PTPRD: variants seen among roughly 807,000 people sequenced by gnomAD.
PTPRD encodes receptor-type tyrosine-protein phosphatase delta.
PTPRD carries 34 observed loss-of-function variants against 214.5 expected under a neutral mutation model. That is an observed-to-expected ratio of 0.16 (90% CI 0.12 to 0.21). The LOEUF is 0.21. Ranked by LOEUF, PTPRD falls within the 10% of genes least tolerant of loss-of-function variation. PTPRD has a pLI of 1.00. For synonymous variants in PTPRD, 1,128 were observed against 845.7 expected (o/e 1.33, Z -5.79); for missense variants, 2,545 against 2,398.7 (o/e 1.06, Z -1.27).
At chr9:8,921,050 G>A (rs994002629) in intron 11 of PTPRD, among the ~76,000 whole-genome samples, 5 of 152,134 alleles carry the variant, frequency 3.3e-5, no homozygotes, top group Non-Finnish European at 2.9e-5. Flanking sequence ...CTGACCTCTG[G>A]CAATCCGCGC....
At chr9:9,147,350 T>C (rs961849350) in intron 10 of PTPRD, among the ~76,000 whole-genome samples, 34 of 152,018 alleles carry the variant, frequency 2.2e-4, no homozygotes, top group Non-Finnish European at 2.6e-4. Context: ...AATACTGTTA[T>C]TCTTTTTTTA....
At chr9:9,006,494 G>C (rs543572675) in intron 11 of PTPRD, among the ~76,000 whole-genome samples, 2 of 152,148 alleles carry the variant, frequency 1.3e-5, no homozygotes, top group East Asian at 3.9e-4. Flanking sequence ...GATCCCCAGA[G>C]TTTTATCTCT....
intron 3 of PTPRD, among the ~76,000 whole-genome samples, chr9:10,155,228 C>A (rs2099085856): frequency 6.6e-6 from 1 of 151,926 alleles, no homozygotes; most frequent in South Asian, 2.1e-4. Flanking sequence ...AGATAGCATT[C>A]CTGATTTGGT....
intron 11 of PTPRD, among the ~76,000 whole-genome samples, chr9:8,874,431 G>A (rs1359218836): frequency 6.6e-6 from 1 of 152,122 alleles, no homozygotes; most frequent in Non-Finnish European, 1.5e-5. Context: ...TGGCCTAGTT[G>A]CAGAGTCTAA....
At chr9:10,217,662 C>T (rs568511848) in intron 3 of PTPRD, among the ~76,000 whole-genome samples, 14 of 152,060 alleles carry the variant, frequency 9.2e-5, no homozygotes, top group African/African-American at 3.4e-4. Flanking sequence ...ACTAAACCAT[C>T]TAAAGCTCCT....
chr9:10,571,770 A>G (rs2067514229), intron 2 of PTPRD, among the ~76,000 whole-genome samples: 1 of 152,158 alleles, frequency 6.6e-6, no homozygotes, highest in Non-Finnish European at 1.5e-5. Context: ...ATCATCAGGC[A>G]CTAGATTCTC....
chr9:10,612,664 C>A (rs938430527), intron 1 of PTPRD, 24 bp downstream of exon 1: 1 of 152,208 alleles, frequency 6.6e-6, no homozygotes, highest in African/African-American at 2.4e-5. Context: ...TTGGGTCCTG[C>A]TAATTATTCT....
chr9:9,363,233 A>C (rs1425431795), intron 9 of PTPRD, among the ~76,000 whole-genome samples: 2 of 150,574 alleles, frequency 1.3e-5, no homozygotes, highest in Admixed American at 1.3e-4. Flanking sequence ...CACAAGAGCA[A>C]TTACTGATCA....
intron 3 of PTPRD, among the ~76,000 whole-genome samples, chr9:10,164,350 T>C (rs926630931): frequency 6.6e-6 from 1 of 151,632 alleles, no homozygotes; most frequent in Non-Finnish European, 1.5e-5. Flanking sequence ...ATTATTTCAG[T>C]AACTGAATTG....
chr9:8,952,248 A>T (rs1410925914), intron 11 of PTPRD, among the ~76,000 whole-genome samples: 1 of 151,972 alleles, frequency 6.6e-6, no homozygotes, highest in African/African-American at 2.4e-5. Context: ...TTGAAGAAAC[A>T]AACTGATAAT....
chr9:10,321,580 G>C (rs562432434), intron 3 of PTPRD, among the ~76,000 whole-genome samples: 1 of 151,988 alleles, frequency 6.6e-6, no homozygotes, highest in South Asian at 2.1e-4. Context: ...GCAATGAAAC[G>C]ATTTTGAAGG....
chr9:9,650,280 A>G (rs1472394188), intron 7 of PTPRD, among the ~76,000 whole-genome samples: 2 of 152,172 alleles, frequency 1.3e-5, no homozygotes, highest in African/African-American at 4.8e-5. Context: ...CAGAACCGTG[A>G]GACAATTAAA....
chr9:8,411,212 G>T (rs2093485051), intron 35 of PTPRD, among the ~76,000 whole-genome samples: 1 of 151,476 alleles, frequency 6.6e-6, no homozygotes, highest in Non-Finnish European at 1.5e-5. Context: ...TTCCAAATAA[G>T]AATCCAAAAA....
chr9:9,258,079 A>G (rs1284517060), intron 9 of PTPRD, among the ~76,000 whole-genome samples: 1 of 136,010 alleles, frequency 7.4e-6, no homozygotes, highest in Non-Finnish European at 1.6e-5. Context: ...AAGCTAATAA[A>G]TGAATGGATA....
chr9:10,416,502 A>C (rs1460353554), intron 2 of PTPRD, among the ~76,000 whole-genome samples: 1 of 151,908 alleles, frequency 6.6e-6, no homozygotes, highest in Non-Finnish European at 1.5e-5. Flanking sequence ...TAGGAAGAAA[A>C]AGTAGAGATT....
chr9:8,617,508 C>G lies in PTPRD; in HGVS notation c.352+15809G>C, dbSNP rs1382532689. On this transcript the variant is annotated intron_variant, in intron 14 of 45. Transcript: ENST00000381196. ...CAGATATGTCACTTAGATGTCCCAA[C>G]TTTTAAAATTTACTGACATGTATTA... 5.3e-5 allele frequency among the ~76,000 whole-genome samples: 8 copies of G among 152,128 alleles called. No individual in the cohort carries two copies. The East Asian group carries it at 1.5e-3, about 29-fold the overall frequency.
At chr9:8,835,466 C>G (rs2097397793) in intron 11 of PTPRD, among the ~76,000 whole-genome samples, 1 of 152,198 alleles carries the variant, frequency 6.6e-6, no homozygotes, top group East Asian at 1.9e-4. Context: ...GTGATTCAAC[C>G]TCACCGCATA....
chr9:8,402,072 T>C lies in PTPRD; in HGVS notation c.4210+2465A>G, dbSNP rs564366239. 2.0e-5 allele frequency among the ~76,000 whole-genome samples: 3 copies of C among 152,320 alleles called. No homozygotes were observed. The South Asian group carries it at 6.2e-4, about 32-fold the overall frequency. Reference sequence around the variant, plus strand: ...GTGTTTAAGATACAGGATGATTGACTGCCCTCAAGAATACCTGCTGGTTAG... The same window carrying C: ...GTGTTTAAGATACAGGATGATTGACCGCCCTCAAGAATACCTGCTGGTTAG... On this transcript the variant is annotated intron_variant, in intron 36 of 45. Transcript: ENST00000381196.
At position 9,906,229 on chromosome 9, in the gene PTPRD, T is replaced by C. The variant is rs368238575; in HGVS notation, c.-368+32278A>G. 6.6e-5 allele frequency among the ~76,000 whole-genome samples: 10 copies of C among 152,074 alleles called. No homozygotes were observed. The East Asian group carries it at 1.7e-3, about 26-fold the overall frequency. On this transcript the variant is annotated intron_variant, in intron 5 of 45. Transcript: ENST00000381196. ...TACAACCAGTTTCATGACATATTTG[T>C]TATAAAATATTAAGGAAAGAAAAAA...
Sources: allele counts gnomAD v4.1 joint callset (sites outside exome capture counted in the v4.1 genomes callset), GRCh38; gene constraint gnomAD v4.1.1; transcripts MANE v1.5; gene names NCBI Gene and HGNC (gene_info 2026-07-23, HGNC 2026-07-21).